The following ESRRB variants were observed in gnomAD, a reference collection of about 807,000 sequenced individuals.
The protein encoded by ESRRB is estrogen related receptor beta.
ESRRB carries 16 observed loss-of-function variants against 46.0 expected under a neutral mutation model. That is an observed-to-expected ratio of 0.35 (90% confidence interval 0.24 to 0.53). The LOEUF (loss-of-function observed/expected upper bound fraction) is 0.53. Ranked by LOEUF, ESRRB falls within the 20% of genes least tolerant of loss-of-function variation. The pLI, the probability that ESRRB is intolerant of heterozygous loss-of-function variation, is 0.93. For synonymous variants in ESRRB, 246 were observed against 259.6 expected, an observed-to-expected ratio of 0.95 and a Z score of 0.50; for missense variants, 488 against 607.4, an observed-to-expected ratio of 0.80 and a Z score of 2.07.
At chr14:76,432,671 C>CTCTCT (rs761684349) in intron 1 of ESRRB, among the ~76,000 whole-genome samples, 1 of 111,476 alleles carries the variant, frequency 9.0e-6, no homozygotes, top group African/African-American at 4.3e-5. Context: ...TTCTCTCTCT[C>CTCTCT]TTTTTTTTTT....
At chr14:76,427,692 T>C (rs1044349841) in intron 1 of ESRRB, among the ~76,000 whole-genome samples, 1 of 152,206 alleles carries the variant, frequency 6.6e-6, no homozygotes, top group Non-Finnish European at 1.5e-5. Flanking sequence ...AAAACAACTC[T>C]TAATATTTAT....
At chr14:76,370,066 A>T (rs931389423), upstream of ESRRB, among the ~76,000 whole-genome samples, 1 of 152,160 alleles carries the variant, frequency 6.6e-6, no homozygotes, top group Non-Finnish European at 1.5e-5. Flanking sequence ...AATTGCTTGC[A>T]TTACTATTTG....
At chr14:76,385,213 G>T in intron 1 of ESRRB, among the ~76,000 whole-genome samples, 1 of 129,190 alleles carries the variant, frequency 7.7e-6, no homozygotes, top group African/African-American at 3.1e-5. Context: ...TTTTCCTCAG[G>T]AAAAAAAAAA....
chr14:76,356,480 A>G (rs562721717), intron 1 of ESRRB, among the ~76,000 whole-genome samples: 2 of 152,122 alleles, frequency 1.3e-5, no homozygotes, highest in Non-Finnish European at 2.9e-5. Flanking sequence ...CCTGTGCTCT[A>G]TGTTATCCTG....
intron 1 of ESRRB, among the ~76,000 whole-genome samples, chr14:76,313,068 T>G (rs923332525): frequency 1.3e-5 from 2 of 152,084 alleles, no homozygotes; most frequent in Non-Finnish European, 2.9e-5. Context: ...GTTGGGACAT[T>G]TAGCTAAAAA....
intron 1 of ESRRB, chr14:76,404,322 T>G (rs150712365): frequency 1.3e-5 from 2 of 150,326 alleles, no homozygotes; most frequent in Non-Finnish European, 3.0e-5. Flanking sequence ...TATCACAAAG[T>G]ACTTTTAAAT....
rs558229755 is a variant in ESRRB at position 76,450,344 on chromosome 14, G to A, written c.460+10594G>A. Among the ~76,000 whole-genome samples, 261 of 152,256 alleles carry A rather than the reference G, an allele frequency of 1.7e-3. 1 individual carries two copies. The highest frequency in any genetic ancestry group is 0.014 in the Middle Eastern group (4 of 294). ...AAGTGGAAGGGGCTGGAGAGGATGG[G>A]CAAAGTCTAGGGGCCATGGTGAGGG... On this transcript the variant is annotated intron_variant, in intron 2 of 6. Transcript: ENST00000644823.
chr14:76,353,070 C>T (rs1410362710), intron 1 of ESRRB, among the ~76,000 whole-genome samples: 2 of 152,128 alleles, frequency 1.3e-5, no homozygotes, highest in Non-Finnish European at 2.9e-5. Flanking sequence ...TAGACCTTGG[C>T]TTTCTCTCTC....
At chr14:76,357,907 T>C (rs1245899724) in intron 1 of ESRRB, among the ~76,000 whole-genome samples, 1 of 152,152 alleles carries the variant, frequency 6.6e-6, no homozygotes, top group Admixed American at 6.5e-5. Flanking sequence ...ATAAAATATA[T>C]GTGCAGAAGG....
chr14:76,379,019 G>C (rs1372100622), intron 1 of ESRRB, among the ~76,000 whole-genome samples: 1 of 152,156 alleles, frequency 6.6e-6, no homozygotes, highest in African/African-American at 2.4e-5. Flanking sequence ...AGAGTTGAGG[G>C]AGGAGGAACT....
intron 1 of ESRRB, among the ~76,000 whole-genome samples, chr14:76,341,586 G>A (rs530964979): frequency 6.6e-6 from 1 of 152,196 alleles, no homozygotes; most frequent in Non-Finnish European, 1.5e-5. Context: ...TGGGCCATGA[G>A]GTCTCCAGGG....
chr14:76,406,935 G>T (rs1886213345), intron 1 of ESRRB, among the ~76,000 whole-genome samples: 1 of 152,214 alleles, frequency 6.6e-6, no homozygotes, highest in East Asian at 1.9e-4. Context: ...CCTCCTGCGG[G>T]CAGGGAATGT....
At chr14:76,480,906 C>T (rs1889780252) in intron 3 of ESRRB, among the ~76,000 whole-genome samples, 1 of 152,206 alleles carries the variant, frequency 6.6e-6, no homozygotes, top group South Asian at 2.1e-4. Context: ...TCTGAGGACT[C>T]TGGTCTCCGT....
At chr14:76,418,901 G>A (rs1171064409) in intron 1 of ESRRB, among the ~76,000 whole-genome samples, 1 of 152,204 alleles carries the variant, frequency 6.6e-6, no homozygotes, top group South Asian at 2.1e-4. Flanking sequence ...TTACAGGTGT[G>A]AGCCACCGCA....
intron 1 of ESRRB, among the ~76,000 whole-genome samples, chr14:76,359,233 C>T (rs1884434821): frequency 6.6e-6 from 1 of 152,114 alleles, no homozygotes; most frequent in Admixed American, 6.5e-5. Flanking sequence ...TTTAACTGAC[C>T]CTACTGATGT....
chr14:76,428,979 C>G (rs957128435), intron 1 of ESRRB, among the ~76,000 whole-genome samples: 2 of 152,156 alleles, frequency 1.3e-5, no homozygotes, highest in Non-Finnish European at 2.9e-5. Context: ...CCACCATGCT[C>G]TTGGGTCATC....
chr14:76,431,018 C>T (rs936230915), intron 1 of ESRRB, among the ~76,000 whole-genome samples: 8 of 152,180 alleles, frequency 5.3e-5, no homozygotes, highest in Non-Finnish European at 7.3e-5. Flanking sequence ...AGTGAGAGGC[C>T]GGGCCTGATG....
At chr14:76,487,923 G>A (rs1890082521) in intron 5 of ESRRB, among the ~76,000 whole-genome samples, 1 of 152,188 alleles carries the variant, frequency 6.6e-6, no homozygotes, top group Non-Finnish European at 1.5e-5. Context: ...ATTTCTAGCA[G>A]TAGAATTGCT....
chr14:76,357,869 A>C (rs1884402052), intron 1 of ESRRB, among the ~76,000 whole-genome samples: 2 of 152,230 alleles, frequency 1.3e-5, no homozygotes, highest in South Asian at 4.1e-4. Context: ...GAACAGGGAC[A>C]TTCTAACAGG....
Sources: allele counts gnomAD v4.1 joint callset (sites outside exome capture counted in the v4.1 genomes callset), GRCh38; gene constraint gnomAD v4.1.1; transcripts MANE v1.5; gene names NCBI Gene and HGNC (gene_info 2026-07-23, HGNC 2026-07-21).